Variants in RBFOX1 observed in about 807,000 individuals in gnomAD.
The protein encoded by RBFOX1 is RNA binding fox-1 homolog 1.
In RBFOX1, 8 loss-of-function variants were observed where a neutral mutation model predicts 57.7. The observed-to-expected ratio is 0.14, with a 90% CI of 0.08 to 0.25. The LOEUF (loss-of-function observed/expected upper bound fraction) is 0.25. RBFOX1 is among the 10% of genes least tolerant of loss of function. The probability of loss-of-function intolerance (pLI) is 1.00; values close to 1 mark genes in which losing one functional copy is unlikely to be tolerated. For missense variants in RBFOX1, 611 were observed against 548.5 expected (o/e 1.11, Z -1.14); for synonymous variants, 326 against 222.4 (o/e 1.47, Z -4.15).
At chr16:6,787,998 G>A (rs899558108) in intron 3 of RBFOX1, among the ~76,000 whole-genome samples, 30 of 151,986 alleles carry the variant, frequency 2.0e-4, no homozygotes, top group African/African-American at 6.8e-4. Flanking sequence ...CGAGGTGGGG[G>A]GACCGCTTGA....
chr16:5,529,609 C>T (rs1426419028), intron 2 of RBFOX1, among the ~76,000 whole-genome samples: 1 of 150,878 alleles, frequency 6.6e-6, no homozygotes, highest in Non-Finnish European at 1.5e-5. Context: ...TCTTGTTGCT[C>T]AAGCTGGAGT....
intron 4 of RBFOX1, among the ~76,000 whole-genome samples, chr16:7,439,200 T>C (rs1341743259): frequency 3.9e-5 from 6 of 152,114 alleles, no homozygotes; most frequent in Non-Finnish European, 8.8e-5. Context: ...GCAGGAGGCC[T>C]TGAACTCAGA....
At chr16:7,160,414 C>T (rs2078065531) in intron 4 of RBFOX1, among the ~76,000 whole-genome samples, 1 of 151,622 alleles carries the variant, frequency 6.6e-6, no homozygotes, top group Non-Finnish European at 1.5e-5. Flanking sequence ...TTCCTCCTCC[C>T]TTTTCCTTCC....
chr16:6,382,890 A>G (rs1388581678), intron 2 of RBFOX1, among the ~76,000 whole-genome samples: 2 of 152,170 alleles, frequency 1.3e-5, no homozygotes, highest in African/African-American at 4.8e-5. Flanking sequence ...TCTCAAGCCC[A>G]CTGAAAAGTG....
At chr16:6,016,423 C>G (rs571953534), upstream of RBFOX1, among the ~76,000 whole-genome samples, 24 of 152,162 alleles carry the variant, frequency 1.6e-4, no homozygotes, top group Non-Finnish European at 2.1e-4. Context: ...GAGAAAAGCC[C>G]TCCTGGGTCA....
At chr16:6,759,168 T>C (rs933565122) in intron 3 of RBFOX1, among the ~76,000 whole-genome samples, 16 of 150,910 alleles carry the variant, frequency 1.1e-4, no homozygotes, top group African/African-American at 3.9e-4. Flanking sequence ...TTTTCTTTTG[T>C]GAGACAGAGT....
intron 3 of RBFOX1, among the ~76,000 whole-genome samples, chr16:6,961,122 A>G (rs996641242): frequency 2.9e-5 from 2 of 68,746 alleles, no homozygotes; most frequent in African/African-American, 5.2e-5. Flanking sequence ...CAGCCTGGGC[A>G]ATAGAGACTC....
chr16:7,513,686 A>C (rs1477241434), intron 4 of RBFOX1, among the ~76,000 whole-genome samples: 1 of 152,108 alleles, frequency 6.6e-6, no homozygotes, highest in East Asian at 1.9e-4. Flanking sequence ...CCTCTGTAAG[A>C]ACTACCGGTA....
intron 3 of RBFOX1, among the ~76,000 whole-genome samples, chr16:5,849,914 C>T (rs757544747): frequency 1.9e-4 from 29 of 152,348 alleles, no homozygotes; most frequent in Admixed American, 1.2e-3. Context: ...CAGCTCCCTG[C>T]TCCTAACTCA....
intron 2 of RBFOX1, among the ~76,000 whole-genome samples, chr16:5,514,537 C>T (rs1173387795): frequency 6.6e-6 from 1 of 152,144 alleles, no homozygotes; most frequent in African/African-American, 2.4e-5. Context: ...GGGCAGAAGG[C>T]ATAGTGTGGG....
At chr16:7,529,310 C>T (rs1214023975) in intron 5 of RBFOX1, among the ~76,000 whole-genome samples, 1 of 152,186 alleles carries the variant, frequency 6.6e-6, no homozygotes, top group Non-Finnish European at 1.5e-5. Flanking sequence ...CTTTCACATC[C>T]AGGCAAGTAA....
intron 4 of RBFOX1, among the ~76,000 whole-genome samples, chr16:7,410,052 A>G (rs2098407475): frequency 6.8e-6 from 1 of 147,320 alleles, no homozygotes; most frequent in Non-Finnish European, 1.5e-5. Flanking sequence ...TGCATCTTAC[A>G]TTGGAGTCTT....
intron 3 of RBFOX1, among the ~76,000 whole-genome samples, chr16:6,701,535 G>A (rs995104807): frequency 6.6e-6 from 1 of 152,192 alleles, no homozygotes; most frequent in Admixed American, 6.5e-5. Context: ...TTCTGGTGAG[G>A]CCTCAGGAAG....
upstream of RBFOX1, among the ~76,000 whole-genome samples, chr16:6,015,560 G>T (rs568311404): frequency 2.0e-5 from 3 of 152,182 alleles, no homozygotes; most frequent in Non-Finnish European, 2.9e-5. Context: ...CTACTCTCTT[G>T]GCTCTTTCAC....
chr16:6,304,225 T>C (rs1050481052), intron 1 of RBFOX1, among the ~76,000 whole-genome samples: 6 of 151,788 alleles, frequency 4.0e-5, no homozygotes, highest in South Asian at 2.1e-4. Flanking sequence ...GAGGCGGAGA[T>C]TGCAGTGAGC....
At chr16:7,368,808 G>A (rs1195567147) in intron 4 of RBFOX1, among the ~76,000 whole-genome samples, 1 of 151,410 alleles carries the variant, frequency 6.6e-6, no homozygotes, top group Non-Finnish European at 1.5e-5. Flanking sequence ...AAAAATAATT[G>A]GAGTGTATGT....
At chr16:6,570,926 A>G (rs550403596) in intron 2 of RBFOX1, among the ~76,000 whole-genome samples, 8 of 152,330 alleles carry the variant, frequency 5.3e-5, no homozygotes, top group African/African-American at 1.9e-4. Flanking sequence ...TTGATTGAAT[A>G]ACGGTTATAT....
At chr16:7,190,999 T>C (rs1209573277) in intron 4 of RBFOX1, among the ~76,000 whole-genome samples, 1 of 152,074 alleles carries the variant, frequency 6.6e-6, no homozygotes, top group Non-Finnish European at 1.5e-5. Flanking sequence ...ATGCGAAGTG[T>C]ATGCCTGTCT....
intron 3 of RBFOX1, among the ~76,000 whole-genome samples, chr16:6,903,051 G>A (rs116741386): frequency 0.032 from 4,872 of 152,190 alleles, 152 homozygotes; most frequent in South Asian, 0.12. Flanking sequence ...GTGAAACAAG[G>A]TTTTGTGAGC....
Sources: allele counts gnomAD v4.1 joint callset (sites outside exome capture counted in the v4.1 genomes callset), GRCh38; gene constraint gnomAD v4.1.1; transcripts MANE v1.5; gene names NCBI Gene and HGNC (gene_info 2026-07-23, HGNC 2026-07-21).